SVEP1: variants seen among roughly 807,000 people sequenced by gnomAD.
The protein encoded by SVEP1 is sushi, von Willebrand factor type A, EGF and pentraxin domain-containing protein 1.
In SVEP1, 164 loss-of-function variants were observed where a neutral mutation model predicts 367.3. The ratio of observed to expected loss-of-function variants is 0.45; its 90% CI spans 0.39 to 0.51. The LOEUF (loss-of-function observed/expected upper bound fraction) is 0.51. Among genes scored for constraint, SVEP1 ranks in the 20% least tolerant of loss-of-function variants. The pLI, the probability that SVEP1 is intolerant of heterozygous loss-of-function variation, is 0.00. For synonymous variants in SVEP1, 1,666 were observed against 1,611.6 expected (o/e 1.03, Z -0.81); for missense variants, 4,117 against 4,425.3 (o/e 0.93, Z 1.98).
At chr9:110,529,689 G>A (rs955015706) in intron 3 of SVEP1, among the ~76,000 whole-genome samples, 2 of 151,996 alleles carry the variant, frequency 1.3e-5, no homozygotes, top group African/African-American at 4.8e-5. Flanking sequence ...GTGTATAGCA[G>A]TGCTATTGAT....
chr9:110,514,011 T>C lies in SVEP1; in HGVS notation c.1060A>G (p.Ser354Gly). 6.2e-7 allele frequency: 1 copy of C among 1,612,828 alleles called. No homozygotes were observed. The highest frequency in any genetic ancestry group is 8.5e-7 in the Non-Finnish European group (1 of 1,179,450). The change falls in exon 4 of 48, where the codon AGC becomes GGC. Residue 354 changes from serine to glycine, a missense_variant. Physicochemically the swap from Ser to Gly is moderately conservative, Grantham distance 56 (BLOSUM62 0). Around this residue, in one of 4 missense-constraint regions of SVEP1, gnomAD observed 2,174 missense variants for 2,494.3 expected, o/e 0.87. Coordinates refer to ENST00000374469, the MANE Select transcript of SVEP1 (RefSeq NM_153366.4). ...CAGACACAGTCTTCAGGGGATGTGC[T>C]TCCAGGTGGAGAGGTGTGATTTTCA... ...PDENHTSPPG[S>G]TSPEDCVCRE...
intron 18 of SVEP1, among the ~76,000 whole-genome samples, chr9:110,462,085 T>C (rs1190104155): frequency 2.0e-5 from 3 of 152,090 alleles, no homozygotes; most frequent in Non-Finnish European, 4.4e-5. Context: ...TCTGAGTATG[T>C]ATGAAATGCT....
Position 110,377,323 on chromosome 9 carries a change from G to A in SVEP1, c.10452C>T (p.Arg3484=). The change falls in exon 45 of 48, where the codon CGC becomes CGT. Residue 3484 remains arginine, a synonymous_variant. Transcript: ENST00000374469. The part of the protein sequence containing the change: ...FPCQNGGICQ[R]PNACSCPEGW... ...CCTCTGGACAGGAACAAGCATTTGG[G>A]CGTTGGCAGATGCCCCCATTCTGAC... 6.2e-7 allele frequency: 1 copy of A among 1,613,836 alleles called. No homozygotes were observed. Among genetic ancestry groups the A allele is most frequent in the Non-Finnish European group, 8.5e-7 (1 of 1,179,790 alleles).
intron 28 of SVEP1, 107 bp from the exon 29 acceptor site, chr9:110,435,471 G>A (rs921507958): frequency 3.0e-5 from 39 of 1,293,906 alleles, no homozygotes; most frequent in Admixed American, 2.2e-5. Flanking sequence ...TTTTAGAGAT[G>A]GGGGTGGAGG....
At chr9:110,513,665 T>C (rs1004811471) in intron 4 of SVEP1, among the ~76,000 whole-genome samples, 7 of 152,220 alleles carry the variant, frequency 4.6e-5, no homozygotes, top group African/African-American at 1.7e-4. Flanking sequence ...ATTGTGGCTT[T>C]TCTTTTTTTG....
At chr9:110,387,115 A>G (rs1034173604) in intron 42 of SVEP1, among the ~76,000 whole-genome samples, 170 bp downstream of exon 42, 1 of 152,206 alleles carries the variant, frequency 6.6e-6, no homozygotes, top group Non-Finnish European at 1.5e-5. Context: ...GGACTTAGAT[A>G]ACACAAACAT....
intron 46 of SVEP1, 78 bp downstream of exon 46, chr9:110,375,285 TGAGTC>T (rs1827332830): frequency 1.5e-6 from 1 of 674,252 alleles, no homozygotes; most frequent in Non-Finnish European, 2.2e-6. Context: ...CCACCACTTC[TGAGTC>T]TAAGTCACAC....
In SVEP1 at chr9:110,479,744, G is replaced by T. The variant is rs766762677; in HGVS notation, c.2378C>A (p.Ala793Glu). 6.2e-7 allele frequency: 1 copy of T among 1,602,196 alleles called. No individual in the cohort carries two copies. Among genetic ancestry groups the T allele is most frequent in the Non-Finnish European group, 8.5e-7 (1 of 1,176,468 alleles). ...CTCAAAGGACTTGAACCCGTGGTTT[G>T]CAAAACGTTTTTCTAGAAAATGTTG... ...EWPDCAKKRF[A>E]NHGFKSFEMF... The change falls in exon 13 of 48, where the codon GCA (alanine) becomes GAA (glutamate). Residue 793 changes from alanine to glutamate, a missense_variant. Around this residue, in one of 4 missense-constraint regions of SVEP1, gnomAD observed 2,174 missense variants for 2,494.3 expected, o/e 0.87. Transcript: ENST00000374469.
At chr9:110,503,562 G>A (rs1462644632) in intron 5 of SVEP1, among the ~76,000 whole-genome samples, 1 of 152,192 alleles carries the variant, frequency 6.6e-6, no homozygotes, top group Non-Finnish European at 1.5e-5. Flanking sequence ...CCTTTCCTGT[G>A]ATTTTTCAGG....
rs766031478 is a variant in SVEP1 at position 110,465,859 on chromosome 9, G to A, written c.3322+6C>T. The A allele has an allele frequency of 6.2e-7, 1 of 1,611,470 alleles. No individual in the cohort carries two copies. The highest frequency in any genetic ancestry group is 8.5e-7 in the Non-Finnish European group (1 of 1,178,638). On this transcript the variant is annotated splice_donor_region_variant and intron_variant, in intron 18 of 47. Transcript: ENST00000374469. Reference sequence around the variant, plus strand: ...AAGAAATATCAATGTCTAAGGCTTTGATAACCTCCACATGCAGAAATGTTC... The same window carrying A: ...AAGAAATATCAATGTCTAAGGCTTTAATAACCTCCACATGCAGAAATGTTC...
At chr9:110,448,145 G>A (rs1828633101) in intron 24 of SVEP1, among the ~76,000 whole-genome samples, 1 of 60,702 alleles carries the variant, frequency 1.6e-5, no homozygotes, top group South Asian at 6.3e-4. Flanking sequence ...GTGTGTGTGT[G>A]TGTGCGCGTG....
intron 1 of SVEP1, among the ~76,000 whole-genome samples, chr9:110,572,825 A>T (rs967003472): frequency 7.0e-6 from 1 of 142,140 alleles, no homozygotes; most frequent in African/African-American, 2.6e-5. Flanking sequence ...AATGAGTACT[A>T]CTTTTTTGCC....
Position 110,472,053 on chromosome 9 carries a change from C to T in SVEP1, c.2764+106G>A. ...CTGTGCTTTCCCTAATTCTCAATTC[C>T]AGAGTCATTTCCTAATAATGATAAC... On this transcript the variant is annotated intron_variant, in intron 15 of 47. Transcript: ENST00000374469. The T allele has an allele frequency of 4.3e-6, 5 of 1,172,000 alleles. No individual in the cohort carries two copies. The Admixed American group carries it at 9.5e-5, about 22-fold the overall frequency. The allele number at this position is 1,172,000 out of a possible 1,614,324, so 72.6% of individuals were successfully genotyped here.
At chr9:110,578,943 G>C in intron 1 of SVEP1, 70 bp downstream of exon 1, 1 of 1,502,258 alleles carries the variant, frequency 6.7e-7, no homozygotes, top group Non-Finnish European at 8.9e-7. Flanking sequence ...CCGGGATAGA[G>C]ACGGGCAGGC....
At chr9:110,437,034 T>C (rs952096651) in intron 27 of SVEP1, among the ~76,000 whole-genome samples, 3 of 152,218 alleles carry the variant, frequency 2.0e-5, no homozygotes, top group African/African-American at 7.2e-5. Flanking sequence ...CCTTTCTGGG[T>C]GTGCTGGACA....
At chr9:110,553,238 G>A (rs1830313810) in intron 1 of SVEP1, among the ~76,000 whole-genome samples, 1 of 152,164 alleles carries the variant, frequency 6.6e-6, no homozygotes, top group South Asian at 2.1e-4. Context: ...AGGGAGGAAG[G>A]GAAGAGGTAA....
In SVEP1 at chr9:110,579,364, T is replaced by C. The variant is rs748405178; in HGVS notation, c.180A>G (p.Arg60=). 9.3e-5 allele frequency: 145 copies of C among 1,555,840 alleles called. No individual in the cohort carries two copies. The highest frequency in any genetic ancestry group is 1.2e-4 in the Non-Finnish European group (140 of 1,150,700). The change falls in exon 1 of 48, where the codon AGA becomes AGG. Residue 60 remains arginine (R), a synonymous_variant. Coordinates refer to ENST00000374469, the MANE Select transcript of SVEP1 (RefSeq NM_153366.4). The surrounding 1 kb of genome is among the most constrained non-coding windows in gnomAD (Gnocchi z 5.3). The stretch of plus-strand genomic sequence containing the variant: ...GGAACGCCTGGCCCAGCCGCTCCAC[T>C]CTGCTCCCCGCCGCTTCGTCGCCAG... ...PAPGDEAAGS[R]VERLGQAFRR...
intron 27 of SVEP1, among the ~76,000 whole-genome samples, chr9:110,441,486 C>A (rs1243508358): frequency 4.6e-5 from 7 of 152,218 alleles, no homozygotes; most frequent in Admixed American, 4.6e-4. Flanking sequence ...ACAGCTCTGT[C>A]CTTTGGGTCT....
chr9:110,559,388 A>G (rs964550323), intron 1 of SVEP1, among the ~76,000 whole-genome samples: 11 of 152,240 alleles, frequency 7.2e-5, no homozygotes, highest in Middle Eastern at 3.4e-3. Flanking sequence ...GAGAAAAAAT[A>G]ACAGAAATAC....
Sources: gnomAD v4.1 joint callset for allele counts (sites outside exome capture counted in the v4.1 genomes callset) on GRCh38, gnomAD v4.1.1 for gene constraint, gnomAD v4.1.1 regional missense constraint, Gnocchi (gnomAD v3.1) non-coding constraint, MANE v1.5 for transcripts, NCBI Gene and HGNC (gene_info 2026-07-23, HGNC 2026-07-21) for gene names.